The following SCUBE2 variants were observed in gnomAD, a reference collection of about 807,000 sequenced individuals.
SCUBE2 encodes the protein signal peptide, CUB domain and EGF like domain containing 2.
In SCUBE2, 114 loss-of-function variants were observed where a neutral mutation model predicts 125.9. That is an observed-to-expected ratio of 0.91 (90% CI 0.78 to 1.06). SCUBE2 has a LOEUF of 1.06. Ranked by LOEUF, SCUBE2 falls within the 50% of genes least tolerant of loss-of-function variation. The probability of loss-of-function intolerance (pLI) is 0.00; values close to 1 mark genes in which losing one functional copy is unlikely to be tolerated. For missense variants in SCUBE2, 1,255 were observed against 1,301.8 expected (o/e 0.96, Z 0.55); for synonymous variants, 459 against 492.9 (o/e 0.93, Z 0.91).
At chr11:9,023,007 C>T (rs1256627091) in intron 21 of SCUBE2, among the ~76,000 whole-genome samples, 1 of 152,144 alleles carries the variant, frequency 6.6e-6, no homozygotes, top group Non-Finnish European at 1.5e-5. Flanking sequence ...TGTGTGTGTT[C>T]TCTCATTAAT....
At chr11:9,043,962 A>C (rs1408167097) in intron 16 of SCUBE2, among the ~76,000 whole-genome samples, 1 of 152,224 alleles carries the variant, frequency 6.6e-6, no homozygotes, top group Non-Finnish European at 1.5e-5. Context: ...AAAGTTTTAA[A>C]TATGCAAGTT....
chr11:9,062,454 T>C (rs746990914), intron 7 of SCUBE2, among the ~76,000 whole-genome samples: 3 of 152,148 alleles, frequency 2.0e-5, no homozygotes, highest in East Asian at 1.9e-4. Context: ...CACAAATCAA[T>C]AGAATATCCA....
rs1333884110 is a variant in SCUBE2, at chr11:9,040,540, TGGG to T, written c.2003-6747_2003-6745del. 2.0e-3 allele frequency among the ~76,000 whole-genome samples: 196 copies of T among 100,194 alleles called. 4 individuals carry two copies. The highest frequency in any genetic ancestry group is 1.9e-3 in the Non-Finnish European group (84 of 44,494). The allele number at this position is 100,194 out of a possible 152,430, so 65.7% of individuals were successfully genotyped here. A position where few individuals can be genotyped will look rare whatever the true frequency, so the allele number is the denominator to read the frequency against. On this transcript the variant is annotated intron_variant, in intron 16 of 22. Coordinates refer to ENST00000649792, the MANE Select transcript of SCUBE2 (RefSeq NM_001367977.2). Reference sequence around the variant, plus strand: ...GGGAGGATTCATATCCCAGGCAGGATGGGGAGGGTACACAGCATGGGTACGTAG... The same window carrying T: ...GGGAGGATTCATATCCCAGGCAGGATGAGGGTACACAGCATGGGTACGTAG...
intron 15 of SCUBE2, 95 bp downstream of exon 15, chr11:9,047,848 A>G (rs1384423658): frequency 7.1e-7 from 1 of 1,409,850 alleles, no homozygotes; most frequent in Non-Finnish European, 9.7e-7. Context: ...CAGTGTTTGC[A>G]TTACTTTTCC....
intron 2 of SCUBE2, among the ~76,000 whole-genome samples, chr11:9,084,808 A>G (rs1255560837): frequency 6.6e-6 from 1 of 152,226 alleles, no homozygotes; most frequent in Non-Finnish European, 1.5e-5. Context: ...CAGTGGTGCC[A>G]TCATAGCTCA....
At chr11:9,058,114 C>T (rs867092923) in intron 9 of SCUBE2, among the ~76,000 whole-genome samples, 71 of 152,250 alleles carry the variant, frequency 4.7e-4, no homozygotes, top group African/African-American at 1.6e-3. Context: ...CCCCACAAGC[C>T]CTCCCCCTCC....
At chr11:9,080,186 T>C (rs575750127) in intron 2 of SCUBE2, among the ~76,000 whole-genome samples, 17 of 152,268 alleles carry the variant, frequency 1.1e-4, no homozygotes, top group Admixed American at 6.5e-4. Flanking sequence ...AGGTAATCCA[T>C]TGGGAGAAAT....
At chr11:9,033,183 C>A (rs962059949) in intron 17 of SCUBE2, among the ~76,000 whole-genome samples, 1 of 152,198 alleles carries the variant, frequency 6.6e-6, no homozygotes, top group African/African-American at 2.4e-5. Context: ...AAGCTCTTCA[C>A]AGAGGAGGTC....
chr11:9,065,078 A>T (rs1860077131), intron 7 of SCUBE2: 1 of 152,214 alleles, frequency 6.6e-6, no homozygotes, highest in Non-Finnish European at 1.5e-5. Flanking sequence ...ATTCTGAGCT[A>T]GAGGCTGCTT....
At chr11:9,021,613 T>C (rs1855298996) in intron 22 of SCUBE2, among the ~76,000 whole-genome samples, 1 of 152,248 alleles carries the variant, frequency 6.6e-6, no homozygotes, top group East Asian at 1.9e-4. Flanking sequence ...CATTATTTGC[T>C]GTTGGTTTGG....
intron 16 of SCUBE2, among the ~76,000 whole-genome samples, chr11:9,042,808 C>G (rs1857370772): frequency 6.6e-6 from 1 of 152,196 alleles, no homozygotes; most frequent in Non-Finnish European, 1.5e-5. Context: ...CTTCTCAGTC[C>G]CCAATCCATG....
chr11:9,041,386 G>A (rs1857226770), intron 16 of SCUBE2, among the ~76,000 whole-genome samples: 1 of 152,188 alleles, frequency 6.6e-6, no homozygotes, highest in South Asian at 2.1e-4. Context: ...TCACCAAGGA[G>A]AGTGTGAAGA....
At chr11:9,021,227 C>A in intron 22 of SCUBE2, 30 bp from the exon 23 acceptor site, 4 of 1,513,130 alleles carry the variant, frequency 2.6e-6, no homozygotes, top group Non-Finnish European at 3.5e-6. Flanking sequence ...TGTTACTGGG[C>A]CAAAATATTT....
intron 1 of SCUBE2, 95 bp from the exon 2 acceptor site, chr11:9,089,924 C>A (rs1034377830): frequency 2.1e-6 from 3 of 1,457,220 alleles, no homozygotes; most frequent in Admixed American, 2.0e-5. Context: ...CAGCCCACCC[C>A]GCTTCACTCC....
chr11:9,090,481 A>ATTTTTT (rs1430056399), intron 1 of SCUBE2: 1 of 49,558 alleles, frequency 2.0e-5, no homozygotes, highest in African/African-American at 3.4e-5. Context: ...TTTTTTATTT[A>ATTTTTT]TTTATTTATT....
intron 7 of SCUBE2, among the ~76,000 whole-genome samples, chr11:9,061,260 G>A (rs1004533583): frequency 6.6e-6 from 1 of 152,078 alleles, no homozygotes; most frequent in Admixed American, 6.6e-5. Flanking sequence ...TTTAAAGGCT[G>A]GGGGTGGGGG....
At chr11:9,051,225 T>TCTATCTAG (rs755617422) in intron 13 of SCUBE2, among the ~76,000 whole-genome samples, 1 of 132,326 alleles carries the variant, frequency 7.6e-6, no homozygotes, top group Admixed American at 7.7e-5. Flanking sequence ...TATCTATCTA[T>TCTATCTAG]CTACCTACCT....
chr11:9,091,349 T>G lies in SCUBE2; in HGVS notation c.133+47A>C, dbSNP rs1364194071. On this transcript the variant is annotated intron_variant, in intron 1 of 22. Transcript: ENST00000649792. The surrounding 1 kb of genome is among the most constrained non-coding windows in gnomAD (Gnocchi z 8.5). ...CCGCCGGGGACCTAAACACTCTTCC[T>G]GGCCCTGCCTGCTGTGCCAGGTGCG... 7.9e-7 allele frequency: 1 copy of G among 1,268,892 alleles called. No individual in the cohort carries two copies. Among genetic ancestry groups the G allele is most frequent in the South Asian group, 2.7e-5 (1 of 37,698 alleles). 78.6% of individuals were successfully genotyped at this position (1,268,892 alleles called of 1,614,324 possible).
intron 5 of SCUBE2, among the ~76,000 whole-genome samples, chr11:9,068,736 G>A (rs555903056): frequency 3.3e-5 from 5 of 152,276 alleles, no homozygotes; most frequent in East Asian, 1.9e-4. Context: ...GCACAACTTC[G>A]ACAACTGAAA....
Sources: allele counts gnomAD v4.1 joint callset (sites outside exome capture counted in the v4.1 genomes callset), GRCh38; gene constraint gnomAD v4.1.1; non-coding constraint Gnocchi (gnomAD v3.1); transcripts MANE v1.5; gene names NCBI Gene and HGNC (gene_info 2026-07-23, HGNC 2026-07-21).